The following PTPRM variants were observed in gnomAD, a reference collection of about 807,000 sequenced individuals.
PTPRM encodes the protein receptor-type tyrosine-protein phosphatase mu.
In PTPRM, 47 loss-of-function variants were observed where a neutral mutation model predicts 186.7. That is an observed-to-expected ratio of 0.25 (90% CI 0.20 to 0.32). The LOEUF (loss-of-function observed/expected upper bound fraction) is 0.32. Among genes scored for constraint, PTPRM ranks in the 10% least tolerant of loss-of-function variants. The pLI is 1.00. For synonymous variants in PTPRM, 668 were observed against 674.9 expected (o/e 0.99, Z 0.16); for missense variants, 1,494 against 1,865.0 (o/e 0.80, Z 3.66).
At chr18:8,227,664 G>C (rs1378913662) in intron 14 of PTPRM, among the ~76,000 whole-genome samples, 1 of 152,218 alleles carries the variant, frequency 6.6e-6, no homozygotes, top group African/African-American at 2.4e-5. Flanking sequence ...CAAGAGGAAA[G>C]TGGAGGTAGT....
intron 7 of PTPRM, among the ~76,000 whole-genome samples, chr18:7,999,652 A>G (rs2083751536): frequency 6.6e-6 from 1 of 151,748 alleles, no homozygotes; most frequent in Admixed American, 6.6e-5. Context: ...AAAATACACA[A>G]TTTTGCACCA....
intron 1 of PTPRM, among the ~76,000 whole-genome samples, chr18:7,584,611 T>C (rs1452632338): frequency 2.0e-5 from 3 of 152,324 alleles, no homozygotes; most frequent in East Asian, 3.9e-4. Flanking sequence ...ACATATTGTT[T>C]ATTAGATTCT....
chr18:8,004,931 A>T (rs970059708), intron 7 of PTPRM, among the ~76,000 whole-genome samples: 1 of 152,136 alleles, frequency 6.6e-6, no homozygotes, highest in African/African-American at 2.4e-5. Flanking sequence ...CCCCTCACCC[A>T]TGCATTTCAG....
At chr18:7,891,093 A>T (rs376001211) in intron 3 of PTPRM, among the ~76,000 whole-genome samples, 1 of 149,486 alleles carries the variant, frequency 6.7e-6, no homozygotes, top group African/African-American at 2.5e-5. Context: ...CCTGGGCAAC[A>T]TGGCGAAATC....
At chr18:7,680,692 G>GGAAAAAGAAAAA (rs60659741) in intron 1 of PTPRM, among the ~76,000 whole-genome samples, 2,907 of 151,996 alleles carry the variant, frequency 0.019, 89 homozygotes, top group African/African-American at 0.066. Context: ...AGGGAAAACT[G>GGAAAAAGAAAAA]GAAAAAGAAA....
At chr18:8,345,407 G>A (rs2095499845) in intron 23 of PTPRM, among the ~76,000 whole-genome samples, 1 of 152,050 alleles carries the variant, frequency 6.6e-6, no homozygotes, top group African/African-American at 2.4e-5. Flanking sequence ...GCCAATAGCA[G>A]ATTTTTTTTG....
intron 7 of PTPRM, among the ~76,000 whole-genome samples, chr18:8,020,514 TGAAAATA>T (rs1445384150): frequency 6.6e-6 from 1 of 152,186 alleles, no homozygotes; most frequent in Non-Finnish European, 1.5e-5. Flanking sequence ...TTTAGCAAGA[TGAAAATA>T]CCTTTCAAAG....
chr18:7,801,715 A>T (rs2043979504), intron 2 of PTPRM, among the ~76,000 whole-genome samples: 2 of 152,194 alleles, frequency 1.3e-5, no homozygotes, highest in Admixed American at 1.3e-4. Flanking sequence ...ACACTAACAC[A>T]TGAGCACTGC....
intron 7 of PTPRM, among the ~76,000 whole-genome samples, chr18:7,973,631 A>G (rs1257733425): frequency 6.6e-6 from 1 of 152,062 alleles, no homozygotes; most frequent in Non-Finnish European, 1.5e-5. Context: ...TATTTTTCTT[A>G]TTCTACCATT....
intron 7 of PTPRM, among the ~76,000 whole-genome samples, chr18:8,001,535 T>G (rs1392104733): frequency 6.7e-6 from 1 of 149,470 alleles, no homozygotes; most frequent in East Asian, 2.0e-4. Context: ...AAAGGTTTGT[T>G]TTTTTTTTTA....
At chr18:7,887,924 A>T in intron 2 of PTPRM, 182 bp from the exon 3 acceptor site, 1 of 790,306 alleles carries the variant, frequency 1.3e-6, no homozygotes, top group Non-Finnish European at 2.3e-6. Context: ...TCTTGAGAAC[A>T]TATAGGGGGA....
chr18:7,855,241 CT>C (rs1267285365), intron 2 of PTPRM, among the ~76,000 whole-genome samples: 1 of 152,098 alleles, frequency 6.6e-6, no homozygotes, highest in Non-Finnish European at 1.5e-5. Flanking sequence ...CTGGGTGTGA[CT>C]GAGAAGTATT....
At chr18:7,646,921 T>C (rs541638411) in intron 1 of PTPRM, among the ~76,000 whole-genome samples, 1 of 150,740 alleles carries the variant, frequency 6.6e-6, no homozygotes, top group Non-Finnish European at 1.5e-5. Context: ...TAGGGGGAGG[T>C]GGGGGATGGT....
At chr18:7,983,870 G>A (rs2082691765) in intron 7 of PTPRM, among the ~76,000 whole-genome samples, 1 of 152,128 alleles carries the variant, frequency 6.6e-6, no homozygotes, top group Admixed American at 6.5e-5. Context: ...TAACAAAGCT[G>A]TCAATAAAAA....
At chr18:7,638,714 T>C (rs2038375876) in intron 1 of PTPRM, among the ~76,000 whole-genome samples, 1 of 152,250 alleles carries the variant, frequency 6.6e-6, no homozygotes, top group African/African-American at 2.4e-5. Context: ...GTTCTTATGC[T>C]AATTTTAGAT....
chr18:8,214,620 T>C (rs753764211), intron 14 of PTPRM, among the ~76,000 whole-genome samples: 1 of 152,208 alleles, frequency 6.6e-6, no homozygotes, highest in Admixed American at 6.5e-5. Flanking sequence ...TTTCAATAGT[T>C]GGTTTGTATT....
chr18:7,950,270 T>G (rs913377787), intron 6 of PTPRM, among the ~76,000 whole-genome samples: 7 of 152,072 alleles, frequency 4.6e-5, no homozygotes, highest in Admixed American at 1.3e-4. Flanking sequence ...CCAGGTGTGG[T>G]GGCAGTGCCT....
intron 2 of PTPRM, among the ~76,000 whole-genome samples, chr18:7,782,769 A>T (rs1354781201): frequency 2.6e-5 from 4 of 152,228 alleles, no homozygotes; most frequent in Non-Finnish European, 4.4e-5. Flanking sequence ...ACTTTCAGAG[A>T]TTAAAGCAGT....
At chr18:7,825,079 A>T (rs942083055) in intron 2 of PTPRM, among the ~76,000 whole-genome samples, 2 of 152,206 alleles carry the variant, frequency 1.3e-5, no homozygotes, top group Non-Finnish European at 2.9e-5. Flanking sequence ...CATCAGTGCT[A>T]CTGGGACCAG....
Sources: gnomAD v4.1 joint callset for allele counts (sites outside exome capture counted in the v4.1 genomes callset) on GRCh38, gnomAD v4.1.1 for gene constraint, MANE v1.5 for transcripts, NCBI Gene and HGNC (gene_info 2026-07-23, HGNC 2026-07-21) for gene names.